CTSC: variants seen among roughly 807,000 people sequenced by gnomAD.
CTSC encodes dipeptidyl peptidase 1.
A neutral mutation model predicts 40.9 loss-of-function variants in CTSC; 37 were observed. The ratio of observed to expected loss-of-function variants is 0.91; its 90% confidence interval spans 0.70 to 1.19. The LOEUF (loss-of-function observed/expected upper bound fraction) is 1.19, where lower values mean the gene tolerates loss of function less well. Ranked by LOEUF, CTSC falls within the 50% of genes most tolerant of loss-of-function variation. The pLI, the probability that CTSC is intolerant of heterozygous loss-of-function variation, is 0.00. For missense variants in CTSC, 594 were observed against 567.3 expected (o/e 1.05, Z -0.48); for synonymous variants, 232 against 207.4 (o/e 1.12, Z -1.02).
intron 4 of CTSC, among the ~76,000 whole-genome samples, chr11:88,301,009 G>C (rs911142600): frequency 2.6e-5 from 4 of 152,138 alleles, no homozygotes; most frequent in African/African-American, 9.7e-5. Context: ...GAAGGGTTTA[G>C]AGAAAACAGA....
chr11:88,321,012 C>A (rs1345404268), intron 2 of CTSC: 4 of 985,194 alleles, frequency 4.1e-6, no homozygotes, highest in Non-Finnish European at 4.8e-6. Context: ...GATCTTCTGA[C>A]ACATGTATCT....
In CTSC at chr11:88,293,946, A is replaced by C. The variant is rs1309851546; in HGVS notation, c.*60T>G. ...TGCTGCTGAAAGTCTACAGTCTGTG[A>C]ATATACCAATTCCCCTTTACAACTG... On this transcript the variant is annotated 3_prime_UTR_variant, in exon 7 of 7. Coordinates refer to ENST00000227266, the MANE Select transcript of CTSC (RefSeq NM_001814.6). 26 of 1,562,110 alleles carry C rather than the reference A, an allele frequency of 1.7e-5. No homozygotes were observed. Among genetic ancestry groups the C allele is most frequent in the Non-Finnish European group, 1.9e-5 (22 of 1,138,188 alleles).
chr11:88,320,923 C>A (rs927916384), intron 2 of CTSC: 15 of 957,300 alleles, frequency 1.6e-5, no homozygotes, highest in African/African-American at 1.8e-5. Context: ...TTGATCCTTG[C>A]CCTAATGAAG....
intron 4 of CTSC, among the ~76,000 whole-genome samples, chr11:88,308,499 T>G (rs1357673103): frequency 6.6e-6 from 1 of 151,890 alleles, no homozygotes; most frequent in African/African-American, 2.4e-5. Flanking sequence ...TATTTTATCT[T>G]ACCTTATCTT....
intron 2 of CTSC, among the ~76,000 whole-genome samples, chr11:88,315,548 A>C (rs1937856158): frequency 6.6e-6 from 1 of 152,250 alleles, no homozygotes. Context: ...ATGCCCATTC[A>C]TTTATACATT....
At chr11:88,336,994 C>T (rs1189088550) in intron 1 of CTSC, among the ~76,000 whole-genome samples, 2 of 151,984 alleles carry the variant, frequency 1.3e-5, no homozygotes, top group Admixed American at 6.6e-5. Context: ...TGGTACTAGC[C>T]GTTTTCTAGT....
chr11:88,326,309 C>A, intron 2 of CTSC: 1 of 1,613,166 alleles, frequency 6.2e-7, no homozygotes, highest in South Asian at 1.1e-5. Flanking sequence ...CCAGAAGGGA[C>A]TGTAGCTGCT....
At chr11:88,336,340 ACCAT>A (rs1938492984) in intron 1 of CTSC, among the ~76,000 whole-genome samples, 1 of 151,680 alleles carries the variant, frequency 6.6e-6, no homozygotes, top group African/African-American at 2.4e-5. Flanking sequence ...GGAGATGGAG[ACCAT>A]CCTGGCTAAC....
chr11:88,305,983 G>A (rs954323088), intron 4 of CTSC, among the ~76,000 whole-genome samples: 8 of 152,146 alleles, frequency 5.3e-5, no homozygotes, highest in African/African-American at 1.9e-4. Flanking sequence ...TTTTGTTGTT[G>A]AATAGATCTC....
intron 2 of CTSC, among the ~76,000 whole-genome samples, chr11:88,317,821 T>C (rs1222859847): frequency 1.3e-5 from 2 of 152,244 alleles, no homozygotes; most frequent in Non-Finnish European, 2.9e-5. Context: ...CATTCATTTA[T>C]GCTAATTTCT....
intron 2 of CTSC, chr11:88,322,146 G>C (rs1938033254): frequency 6.6e-6 from 1 of 152,230 alleles, no homozygotes; most frequent in Middle Eastern, 3.4e-3. Flanking sequence ...CTGGATGTTA[G>C]ACCTTTGTCA....
At chr11:88,309,981 C>T (rs1487248867) in intron 3 of CTSC, among the ~76,000 whole-genome samples, 4 of 151,942 alleles carry the variant, frequency 2.6e-5, no homozygotes, top group African/African-American at 4.8e-5. Flanking sequence ...AAGAGAAAAG[C>T]AAAACCTGTA....
chr11:88,312,632 A>T, intron 2 of CTSC, 78 bp from the exon 3 acceptor site: 1 of 1,458,496 alleles, frequency 6.9e-7, no homozygotes, highest in Non-Finnish European at 9.2e-7. Flanking sequence ...GCTCTCATTC[A>T]CAGTAAATGT....
chr11:88,304,569 C>G (rs1282320620), intron 4 of CTSC, among the ~76,000 whole-genome samples: 1 of 152,130 alleles, frequency 6.6e-6, no homozygotes, highest in Non-Finnish European at 1.5e-5. Context: ...TGAATAGGAG[C>G]TGGGTAAGAT....
intron 5 of CTSC, among the ~76,000 whole-genome samples, chr11:88,300,141 G>T (rs1396161095): frequency 1.3e-5 from 2 of 152,138 alleles, no homozygotes; most frequent in Admixed American, 1.3e-4. Context: ...ATTAATGGGG[G>T]TGGGGGAATA....
At chr11:88,328,924 C>A (rs1484413838) in intron 2 of CTSC, among the ~76,000 whole-genome samples, 1 of 152,176 alleles carries the variant, frequency 6.6e-6, no homozygotes, top group African/African-American at 2.4e-5. Context: ...TTTAGAAACA[C>A]TGATGGTCAT....
At chr11:88,334,818 T>C (rs1352450692) in intron 2 of CTSC, 119 bp downstream of exon 2, 6 of 748,622 alleles carry the variant, frequency 8.0e-6, no homozygotes, top group Admixed American at 6.2e-5. Flanking sequence ...TTGGGAAGAG[T>C]GGTGTCAATT....
At chr11:88,333,618 A>C (rs1938418069) in intron 2 of CTSC, among the ~76,000 whole-genome samples, 1 of 152,248 alleles carries the variant, frequency 6.6e-6, no homozygotes, top group East Asian at 1.9e-4. Flanking sequence ...GTATACACCA[A>C]AGATTATTTT....
At chr11:88,325,130 T>C (rs943089612) in intron 2 of CTSC, 3 of 985,202 alleles carry the variant, frequency 3.0e-6, no homozygotes, top group Non-Finnish European at 3.6e-6. Flanking sequence ...AACAAGACCA[T>C]TATTCGGCAG....
Sources: allele counts gnomAD v4.1 joint callset (sites outside exome capture counted in the v4.1 genomes callset), GRCh38; gene constraint gnomAD v4.1.1; transcripts MANE v1.5; gene names NCBI Gene and HGNC (gene_info 2026-07-23, HGNC 2026-07-21).